KLHL29: variants seen among roughly 807,000 people sequenced by gnomAD.
KLHL29 encodes the protein kelch-like protein 29.
Under a neutral mutation model 80.4 loss-of-function variants are expected in KLHL29, and 21 were observed. That is an observed-to-expected ratio of 0.26 (90% CI 0.19 to 0.38). The LOEUF is 0.38. Among genes scored for constraint, KLHL29 ranks in the 10% least tolerant of loss-of-function variants. The pLI is 1.00. For missense variants in KLHL29, 867 were observed against 1,223.9 expected (o/e 0.71, Z 4.35); for synonymous variants, 511 against 526.8 (o/e 0.97, Z 0.41).
rs1289859474 is a variant in KLHL29, at chr2:23,684,893, G to C, written c.1079+356G>C. On this transcript the variant is annotated intron_variant, in intron 6 of 13. Transcript: ENST00000486442. The surrounding 1 kb of genome is among the most constrained non-coding windows in gnomAD (Gnocchi z 4.4). ...GGGGGACTGTAGGCTCCATTTTAAG[G>C]GATCACTACACACTGCCCCCACCGG... Among the ~76,000 whole-genome samples, 1 of 152,104 alleles carries C rather than the reference G, an allele frequency of 6.6e-6. No individual in the cohort carries two copies. The highest frequency in any genetic ancestry group is 1.9e-4 in the East Asian group (1 of 5,192).
intron 2 of KLHL29, among the ~76,000 whole-genome samples, chr2:23,490,699 T>G (rs758655742): frequency 6.6e-6 from 1 of 152,226 alleles, no homozygotes; most frequent in Non-Finnish European, 1.5e-5. Flanking sequence ...TTATGGAAAG[T>G]TGGGGCTTGT....
intron 3 of KLHL29, among the ~76,000 whole-genome samples, chr2:23,608,882 A>T (rs1372942965): frequency 6.6e-6 from 1 of 152,262 alleles, no homozygotes; most frequent in Non-Finnish European, 1.5e-5. Context: ...AATAATAATA[A>T]TAAAACTACT....
rs1671063286 is a variant in KLHL29 at position 23,680,770 on chromosome 2, T to C, written c.941-3629T>C. Among the ~76,000 whole-genome samples, 1 of 151,782 alleles carries C rather than the reference T, an allele frequency of 6.6e-6. No homozygotes were observed. ...CTCTAGGCCATCTTCTCCTGGGGTCTCTAGGCCATCTTCTCCTGGGGTCTC... is the reference window on the plus strand; with the variant it reads ...CTCTAGGCCATCTTCTCCTGGGGTCCCTAGGCCATCTTCTCCTGGGGTCTC... On this transcript the variant is annotated intron_variant, in intron 5 of 13. Transcript: ENST00000486442. This position sits in a 1 kb window ranked among gnomAD's most constrained non-coding sequence, Gnocchi z 4.1.
Position 23,684,941 on chromosome 2 carries a change from C to T in KLHL29, c.1079+404C>T, listed in dbSNP as rs899672738. On this transcript the variant is annotated intron_variant, in intron 6 of 13. Transcript: ENST00000486442. This position sits in a 1 kb window ranked among gnomAD's most constrained non-coding sequence, Gnocchi z 4.4. ...CGGGCCAGAGCAGGATCCCCAGTGCCATCGTCCCTGCTGTCGGTGGTGACT... is the reference window on the plus strand; with the variant it reads ...CGGGCCAGAGCAGGATCCCCAGTGCTATCGTCCCTGCTGTCGGTGGTGACT... Among the ~76,000 whole-genome samples, 7 of 152,234 alleles carry T rather than the reference C, an allele frequency of 4.6e-5. No individual in the cohort carries two copies. In the East Asian group the frequency reaches 1.3e-3, roughly 29 times the overall value.
intron 2 of KLHL29, among the ~76,000 whole-genome samples, chr2:23,522,009 T>C (rs969139357): frequency 1.3e-5 from 2 of 152,224 alleles, no homozygotes; most frequent in Non-Finnish European, 2.9e-5. Flanking sequence ...GTCATTGTTT[T>C]TGCCTAAAGC....
intron 1 of KLHL29, among the ~76,000 whole-genome samples, chr2:23,421,196 G>A (rs6747467): frequency 0.5 from 76,680 of 152,090 alleles, 21,352 homozygotes; most frequent in African/African-American, 0.76. Context: ...AGCCCCTGCA[G>A]TCCTCCTGGT....
At chr2:23,468,558 G>A (rs1282563160) in intron 1 of KLHL29, among the ~76,000 whole-genome samples, 9 of 152,110 alleles carry the variant, frequency 5.9e-5, no homozygotes, top group Admixed American at 1.3e-4. Flanking sequence ...CCTCCCCGCC[G>A]AGCATCAGCA....
intron 1 of KLHL29, among the ~76,000 whole-genome samples, chr2:23,472,446 C>T (rs1289722053): frequency 1.3e-5 from 2 of 152,056 alleles, no homozygotes; most frequent in Admixed American, 1.3e-4. Flanking sequence ...CCATCCTGAC[C>T]AACATGATGA....
In KLHL29 at chr2:23,682,456, G is replaced by A. The variant is rs560165298; in HGVS notation, c.941-1943G>A. On this transcript the variant is annotated intron_variant, in intron 5 of 13. Coordinates refer to ENST00000486442, the MANE Select transcript of KLHL29 (RefSeq NM_052920.2). The surrounding 1 kb of genome is among the most constrained non-coding windows in gnomAD (Gnocchi z 4.1). Reference sequence around the variant, plus strand: ...ATCTTGCCTCCCATTGGCCTCCCAAGCCACTCCCCATCCTGCCTCTGTGTG... The same window carrying A: ...ATCTTGCCTCCCATTGGCCTCCCAAACCACTCCCCATCCTGCCTCTGTGTG... Among the ~76,000 whole-genome samples, 8 of 152,244 alleles carry A rather than the reference G, an allele frequency of 5.3e-5. No homozygotes were observed. In the East Asian group the frequency reaches 1.5e-3, roughly 29 times the overall value.
At chr2:23,531,133 C>A (rs1435132251) in intron 2 of KLHL29, among the ~76,000 whole-genome samples, 3 of 152,216 alleles carry the variant, frequency 2.0e-5, no homozygotes, top group Non-Finnish European at 2.9e-5. Flanking sequence ...TCGGCAGAAG[C>A]CTGGCTGAGA....
chr2:23,433,760 T>A lies in KLHL29; in HGVS notation c.-153-41800T>A, dbSNP rs574526556. ...GAGACTCCCATCTCTACGAAAAAAA[T>A]TTTTTAAAAATTGCTGGGCATGGTG... On this transcript the variant is annotated intron_variant, in intron 1 of 13. Transcript: ENST00000486442. 1.7e-4 allele frequency among the ~76,000 whole-genome samples: 26 copies of A among 151,868 alleles called. No individual in the cohort carries two copies. The South Asian group carries it at 2.1e-3, about 12-fold the overall frequency.
At chr2:23,599,052 AT>A (rs926114563) in intron 3 of KLHL29, among the ~76,000 whole-genome samples, 1 of 152,350 alleles carries the variant, frequency 6.6e-6, no homozygotes, top group African/African-American at 2.4e-5. Flanking sequence ...TTTAAGGAGT[AT>A]TTTTTACTTA....
intron 3 of KLHL29, among the ~76,000 whole-genome samples, chr2:23,611,891 A>C (rs971023729): frequency 1.1e-4 from 16 of 152,064 alleles, no homozygotes; most frequent in African/African-American, 3.9e-4. Context: ...AACCAAAAAA[A>C]AAAAAGGATT....
At chr2:23,655,733 A>G (rs1465100917) in intron 5 of KLHL29, among the ~76,000 whole-genome samples, 2 of 152,206 alleles carry the variant, frequency 1.3e-5, no homozygotes, top group Non-Finnish European at 2.9e-5. Flanking sequence ...AAAAATGGCC[A>G]CTGCACAGGT....
chr2:23,461,520 T>G (rs1664209507), intron 1 of KLHL29, among the ~76,000 whole-genome samples: 1 of 152,222 alleles, frequency 6.6e-6, no homozygotes, highest in Admixed American at 6.5e-5. Flanking sequence ...TTTTTCTAGG[T>G]GCTCTGGCTG....
At position 23,670,913 on chromosome 2, in the gene KLHL29, A is replaced by ACGCG. The variant is rs796301580; in HGVS notation, c.941-13484_941-13481dup. 3.2e-3 allele frequency among the ~76,000 whole-genome samples: 50 copies of ACGCG among 15,418 alleles called. 12 individuals carry two copies. Among genetic ancestry groups the ACGCG allele is most frequent in the South Asian group, 0.015 (2 of 130 alleles). 10.1% of individuals were successfully genotyped at this position (15,418 alleles called of 152,430 possible). On this transcript the variant is annotated intron_variant, in intron 5 of 13. Transcript: ENST00000486442. ...AAGGGAGGGGTCTCTACACACATGC[A>ACGCG]CGCGCTCTCTCTCTCTCTCTCTCTC...
chr2:23,538,748 G>A (rs1207808062), intron 2 of KLHL29, among the ~76,000 whole-genome samples: 2 of 152,162 alleles, frequency 1.3e-5, no homozygotes, highest in African/African-American at 4.8e-5. Flanking sequence ...GATTGTCAGG[G>A]CCTTTGCTTG....
chr2:23,505,455 G>A (rs1423476284), intron 2 of KLHL29, among the ~76,000 whole-genome samples: 1 of 152,220 alleles, frequency 6.6e-6, no homozygotes, highest in Non-Finnish European at 1.5e-5. Context: ...GGCTGCAGGT[G>A]TGCCGCTTCT....
intron 3 of KLHL29, among the ~76,000 whole-genome samples, chr2:23,633,756 CGTGTGT>C (rs1181808728): frequency 5.4e-5 from 8 of 147,240 alleles, no homozygotes; most frequent in African/African-American, 1.3e-4. Flanking sequence ...TCACAGCACT[CGTGTGT>C]GTGTGTGTGT....
Sources: allele counts gnomAD v4.1 joint callset (sites outside exome capture counted in the v4.1 genomes callset), GRCh38; gene constraint gnomAD v4.1.1; non-coding constraint Gnocchi (gnomAD v3.1); transcripts MANE v1.5; gene names NCBI Gene and HGNC (gene_info 2026-07-23, HGNC 2026-07-21).